The following RELCH variants were observed in gnomAD, a reference collection of about 807,000 sequenced individuals.
RELCH encodes RAB11-binding protein RELCH.
In RELCH, 41 loss-of-function variants were observed where a neutral mutation model predicts 150.3. That is an observed-to-expected ratio of 0.27 (90% CI 0.21 to 0.35). RELCH has a LOEUF of 0.35. Ranked by LOEUF, RELCH falls within the 10% of genes least tolerant of loss-of-function variation. The pLI is 1.00. For synonymous variants in RELCH, 478 were observed against 531.8 expected (o/e 0.90, Z 1.39); for missense variants, 1,092 against 1,467.8 (o/e 0.74, Z 4.18).
chr18:62,233,038 C>T (rs2148441043), intron 10 of RELCH, among the ~76,000 whole-genome samples: 1 of 151,966 alleles, frequency 6.6e-6, no homozygotes, highest in East Asian at 1.9e-4. Context: ...ATCCAAAATA[C>T]ATTTGCAAAT....
intron 14 of RELCH, 130 bp from the exon 15 acceptor site, chr18:62,258,382 T>G: frequency 1.2e-6 from 1 of 821,414 alleles, no homozygotes; most frequent in Non-Finnish European, 1.8e-6. Context: ...AAGGCTAGGA[T>G]TATGGATGGC....
At chr18:62,231,871 G>A (rs947272715) in intron 9 of RELCH, among the ~76,000 whole-genome samples, 7 of 151,976 alleles carry the variant, frequency 4.6e-5, no homozygotes, top group African/African-American at 1.7e-4. Context: ...TGGTTTGGAT[G>A]CACTCTGGCA....
Position 62,305,097 on chromosome 18 carries a change from C to G in RELCH, c.3531-317C>G, listed in dbSNP as rs1261231201. On this transcript the variant is annotated intron_variant, in intron 28 of 28. Transcript: ENST00000644646. This position sits in a 1 kb window ranked among gnomAD's most constrained non-coding sequence, Gnocchi z 4.0. The stretch of plus-strand genomic sequence containing the variant: ...AGTTGTGTTAATATAATCCTAATAA[C>G]CCTAGGAGGCAAATACTAGAATCAT... Among the ~76,000 whole-genome samples the G allele has an allele frequency of 6.6e-6, 1 of 152,174 alleles. No individual in the cohort carries two copies. Among genetic ancestry groups the G allele is most frequent in the East Asian group, 1.9e-4 (1 of 5,196 alleles).
chr18:62,187,503 A>G lies in RELCH; in HGVS notation c.-3A>G. ...GAGGCGCCCACACTCCTGACAGGAT[A>G]AGATGGCGGCGATGGCGCCTGGAGG... is the stretch of plus-strand genomic sequence containing the variant. On this transcript the variant is annotated 5_prime_UTR_variant, in exon 1 of 29. In the 5' UTR this introduces an upstream ATG that the reference lacks. Transcript: ENST00000644646. 1.3e-6 allele frequency: 2 copies of G among 1,513,330 alleles called. No homozygotes were observed. The highest frequency in any genetic ancestry group is 1.8e-6 in the Non-Finnish European group (2 of 1,131,570). The allele number at this position is 1,513,330 out of a possible 1,614,324, so 93.7% of individuals were successfully genotyped here. A position where few individuals can be genotyped will look rare whatever the true frequency, so the allele number is the denominator to read the frequency against.
In RELCH at chr18:62,275,377, A is replaced by G; in HGVS notation, c.2871A>G (p.Ala957=). The part of the protein sequence containing the change: ...SLKASFVELG[A]NPAYHELLLT... ...TGTTTTTTTTTTTTTCTTCTAGTGC[A>G]AACCCAGCCTACCATGAGTTACTAT... The change falls in exon 22 of 29, where the codon GCA becomes GCG. Residue 957 remains alanine (A), a synonymous_variant. Coordinates refer to ENST00000644646, the MANE Select transcript of RELCH (RefSeq NM_001346231.2). 1 of 1,535,170 alleles carries G rather than the reference A, an allele frequency of 6.5e-7. No homozygotes were observed. The highest frequency in any genetic ancestry group is 8.7e-7 in the Non-Finnish European group (1 of 1,146,374).
rs2038177317 is a variant in RELCH at position 62,187,382 on chromosome 18, C to T, written c.-124C>T. 2.8e-5 allele frequency: 24 copies of T among 864,532 alleles called. No individual in the cohort carries two copies. In the South Asian group the frequency reaches 6.0e-4, roughly 22 times the overall value. 53.6% of individuals were successfully genotyped at this position (864,532 alleles called of 1,614,324 possible). Reference sequence around the variant, plus strand: ...TGGAGCGTACTCCTTGTCTCTAAGTCGGGAGGCAGGACGTGGTCAGGCCGG... The same window carrying T: ...TGGAGCGTACTCCTTGTCTCTAAGTTGGGAGGCAGGACGTGGTCAGGCCGG... On this transcript the variant is annotated 5_prime_UTR_variant, in exon 1 of 29. Coordinates refer to ENST00000644646, the MANE Select transcript of RELCH (RefSeq NM_001346231.2).
At chr18:62,291,686 A>G in intron 27 of RELCH, 55 bp downstream of exon 27, 1 of 1,121,824 alleles carries the variant, frequency 8.9e-7, no homozygotes, top group Non-Finnish European at 1.3e-6. Context: ...TCATATATAG[A>G]CTTGCAGTCT....
Position 62,240,408 on chromosome 18 carries a change from C to CTTTTTTTTTTTTTTTT in RELCH, c.1621-4351_1621-4350insTTTTTTTTTTTTTTTT, listed in dbSNP as rs199932427. ...AAGAAAACCATTTTCTTTTTTTTTT[C>CTTTTTTTTTTTTTTTT]TTTTTCTTTTTTTTTTTGGTGACAG... On this transcript the variant is annotated intron_variant, in intron 10 of 28. Coordinates refer to ENST00000644646, the MANE Select transcript of RELCH (RefSeq NM_001346231.2). 1.4e-5 allele frequency among the ~76,000 whole-genome samples: 2 copies of CTTTTTTTTTTTTTTTT among 139,570 alleles called. 1 individual carries two copies. Among genetic ancestry groups the CTTTTTTTTTTTTTTTT allele is most frequent in the African/African-American group, 5.3e-5 (2 of 37,914 alleles). The allele number at this position is 139,570 out of a possible 152,430, so 91.6% of individuals were successfully genotyped here. A position where few individuals can be genotyped will look rare whatever the true frequency, so the allele number is the denominator to read the frequency against.
intron 11 of RELCH, among the ~76,000 whole-genome samples, chr18:62,251,959 G>A (rs1018592565): frequency 2.6e-5 from 4 of 151,928 alleles, no homozygotes; most frequent in African/African-American, 9.7e-5. Flanking sequence ...GTTCTTGGTG[G>A]CAGCTTAGGC....
Position 62,261,106 on chromosome 18 carries a change from T to C in RELCH, c.2203-405T>C, listed in dbSNP as rs867851273. Among the ~76,000 whole-genome samples, 9 of 152,144 alleles carry C rather than the reference T, an allele frequency of 5.9e-5. No individual in the cohort carries two copies. The South Asian group carries it at 1.9e-3, about 31-fold the overall frequency. ...GTGATGCATATCTCAATACCTTGAT[T>C]CAATCATTACACATTGTATGCCTGT... is the stretch of plus-strand genomic sequence containing the variant. On this transcript the variant is annotated intron_variant, in intron 15 of 28. Coordinates refer to ENST00000644646, the MANE Select transcript of RELCH (RefSeq NM_001346231.2).
chr18:62,268,036 G>T (rs2043682819), intron 19 of RELCH, among the ~76,000 whole-genome samples: 1 of 151,806 alleles, frequency 6.6e-6, no homozygotes, highest in African/African-American at 2.4e-5. Context: ...TTTCTTCAGG[G>T]CAGTTAAATA....
intron 5 of RELCH, among the ~76,000 whole-genome samples, chr18:62,223,537 T>C (rs941078534): frequency 6.6e-6 from 1 of 152,056 alleles, no homozygotes; most frequent in African/African-American, 2.4e-5. Flanking sequence ...CAAACTCTTC[T>C]AGAAATTAAA....
At chr18:62,280,593 A>G (rs1266274037) in intron 23 of RELCH, 53 bp from the exon 24 acceptor site, 1 of 1,386,158 alleles carries the variant, frequency 7.2e-7, no homozygotes, top group Non-Finnish European at 1.0e-6. Flanking sequence ...CATTTTAATA[A>G]TACTCGTTGT....
rs75589884 is a variant in RELCH, at chr18:62,261,652, A to G, written c.2344A>G (p.Ile782Val). 9.1e-5 allele frequency: 147 copies of G among 1,610,796 alleles called. No homozygotes were observed. The African/African-American group carries it at 1.9e-3, about 21-fold the overall frequency. ...KAKLHGEVPQ[I>V]EVTRFPRPMS... is the part of the protein sequence containing the mutation. Reference sequence around the variant, plus strand: ...CAAGCTTCATGGTGAAGTGCCACAGATAGAAGGTACTGAACTTAAATTCTG... The same window carrying G: ...CAAGCTTCATGGTGAAGTGCCACAGGTAGAAGGTACTGAACTTAAATTCTG... Residue 782 changes from isoleucine (I) to valine (V), a missense_variant, in exon 16 of 29, where the codon ATA becomes GTA. This residue lies in a region of RELCH where 707 missense variants were observed against 1,025.4 expected (regional missense o/e 0.69). Coordinates refer to ENST00000644646, the MANE Select transcript of RELCH (RefSeq NM_001346231.2).
At chr18:62,257,079 T>A (rs182823062) in intron 13 of RELCH, among the ~76,000 whole-genome samples, 149 of 152,218 alleles carry the variant, frequency 9.8e-4, no homozygotes, top group Non-Finnish European at 1.1e-3. Context: ...AGCCATGTCA[T>A]CTGCCTTTAT....
At chr18:62,287,144 C>T (rs1188248820) in intron 25 of RELCH, among the ~76,000 whole-genome samples, 10 of 152,018 alleles carry the variant, frequency 6.6e-5, no homozygotes, top group Non-Finnish European at 1.5e-5. Context: ...ATTTGTTTCC[C>T]CCAAATGCCA....
At chr18:62,279,329 G>A (rs1237182070) in intron 22 of RELCH, among the ~76,000 whole-genome samples, 2 of 152,180 alleles carry the variant, frequency 1.3e-5, no homozygotes, top group East Asian at 1.9e-4. Flanking sequence ...AAGTGGTTTA[G>A]TGGTGACTGC....
chr18:62,262,568 G>C (rs1001339197), intron 16 of RELCH, among the ~76,000 whole-genome samples: 1 of 151,904 alleles, frequency 6.6e-6, no homozygotes, highest in South Asian at 2.1e-4. Context: ...AGTTTTATTT[G>C]GAAAATTGAG....
rs2045885064 is a variant in RELCH at position 62,306,585 on chromosome 18, C to T, written c.*1051C>T. 1 of 152,546 alleles carries T rather than the reference C, an allele frequency of 6.6e-6. No individual in the cohort carries two copies. The highest frequency in any genetic ancestry group is 2.1e-4 in the South Asian group (1 of 4,818). The allele number at this position is 152,546 out of a possible 1,614,324, so 9.4% of individuals were successfully genotyped here. ...AATTATAACTAGTTAGTTATCACCT[C>T]GTCCCTTAAAGTCAGTGACCTCCTG... On this transcript the variant is annotated 3_prime_UTR_variant, in exon 29 of 29. Transcript: ENST00000644646.
Sources: allele counts gnomAD v4.1 joint callset (sites outside exome capture counted in the v4.1 genomes callset), GRCh38; gene constraint gnomAD v4.1.1; regional missense constraint gnomAD v4.1.1; non-coding constraint Gnocchi (gnomAD v3.1); transcripts MANE v1.5; gene names NCBI Gene and HGNC (gene_info 2026-07-23, HGNC 2026-07-21).